KIFC3: variants seen among roughly 807,000 people sequenced by gnomAD.
KIFC3 encodes kinesin family member C3.
Under a neutral mutation model 101.8 loss-of-function variants are expected in KIFC3, and 60 were observed. The observed-to-expected ratio is 0.59, with a 90% confidence interval of 0.48 to 0.73. KIFC3 has a LOEUF of 0.73. KIFC3 is among the 30% of genes least tolerant of loss of function. The pLI is 0.00. For missense variants in KIFC3, 966 were observed against 1,137.1 expected, an observed-to-expected ratio of 0.85 and a Z score of 2.16; for synonymous variants, 476 against 482.7, an observed-to-expected ratio of 0.99 and a Z score of 0.18.
intron 1 of KIFC3, among the ~76,000 whole-genome samples, chr16:57,828,471 C>A (rs532204512): frequency 6.6e-6 from 1 of 152,192 alleles, no homozygotes; most frequent in Non-Finnish European, 1.5e-5. Context: ...ACGTGGGTGG[C>A]GGGAGGGAGA....
intron 1 of KIFC3, among the ~76,000 whole-genome samples, chr16:57,828,941 C>T (rs1234365392): frequency 3.3e-5 from 5 of 152,154 alleles, no homozygotes; most frequent in Non-Finnish European, 5.9e-5. Context: ...GATGCTGTTG[C>T]TATACCCATT....
At chr16:57,773,224 C>T (rs1555609916) in intron 3 of KIFC3, among the ~76,000 whole-genome samples, 1 of 152,200 alleles carries the variant, frequency 6.6e-6, no homozygotes, top group Non-Finnish European at 1.5e-5. Flanking sequence ...AGCCAGATTC[C>T]TGTGTGGTGG....
chr16:57,784,765 G>A (rs1355216248), intron 3 of KIFC3, among the ~76,000 whole-genome samples: 1 of 152,088 alleles, frequency 6.6e-6, no homozygotes, highest in Admixed American at 6.5e-5. Flanking sequence ...TGAGAGTGGG[G>A]AAAGAGGCCT....
rs200861086 is a variant in KIFC3, at chr16:57,761,190, G to A, written c.1873-19C>T. 21 of 1,612,812 alleles carry A rather than the reference G, an allele frequency of 1.3e-5. No homozygotes were observed. Among genetic ancestry groups the A allele is most frequent in the South Asian group, 2.2e-5 (2 of 90,974 alleles). On this transcript the variant is annotated intron_variant, in intron 14 of 19. Transcript: ENST00000445690. ...CAAACACCTGGGGGATTGGGAGGAG[G>A]GCAGAGGCACAGCGTTGAGAATGGG... is the stretch of plus-strand genomic sequence containing the variant.
chr16:57,807,171 C>T (rs2054956045), upstream of KIFC3, among the ~76,000 whole-genome samples: 1 of 151,824 alleles, frequency 6.6e-6, no homozygotes, highest in Admixed American at 6.6e-5. Context: ...GAGCAAAGAT[C>T]ATGCCACTGC....
chr16:57,787,478 G>C (rs2053453361), intron 3 of KIFC3, among the ~76,000 whole-genome samples: 1 of 152,234 alleles, frequency 6.6e-6, no homozygotes, highest in Admixed American at 6.5e-5. Flanking sequence ...GTGGGAAGGG[G>C]GCCAGGAGAG....
rs782169578 is a variant in KIFC3 at position 57,794,959 on chromosome 16, G to A, written c.315+40C>T. ...AGGAACCCAGCCACTGGAGCTCAGA[G>A]AGCCAAGGCACATGCAGCCTGGAAG... On this transcript the variant is annotated intron_variant, in intron 3 of 19. Transcript: ENST00000445690. 1.0e-5 allele frequency: 15 copies of A among 1,499,586 alleles called. No homozygotes were observed. The South Asian group carries it at 1.7e-4, about 17-fold the overall frequency. 92.9% of individuals were successfully genotyped at this position (1,499,586 alleles called of 1,614,324 possible).
rs190858248 is a variant in KIFC3, at chr16:57,789,939, G to A, written c.315+5060C>T. Among the ~76,000 whole-genome samples the A allele has an allele frequency of 2.4e-4, 36 of 151,878 alleles. No homozygotes were observed. The East Asian group carries it at 6.2e-3, about 26-fold the overall frequency. ...TTTAATAGAGACAGGGTTTCACCAC[G>A]TTGGCCAGGCTGGTCTCGAACTCCT... On this transcript the variant is annotated intron_variant, in intron 3 of 19. Transcript: ENST00000445690.
intron 1 of KIFC3, among the ~76,000 whole-genome samples, chr16:57,823,804 T>TGTGTGTGTGTGTG (rs1568088575): frequency 2.0e-4 from 30 of 149,482 alleles, no homozygotes; most frequent in East Asian, 3.9e-4. Context: ...TGTGTGTGTG[T>TGTGTGTGTGTGTG]TTTTAGTAGA....
At chr16:57,816,804 C>CTTCCAGGCAGG (rs1555628955) in intron 1 of KIFC3, 1 of 451,578 alleles carries the variant, frequency 2.2e-6, no homozygotes, top group African/African-American at 2.1e-5. Context: ...AAACCAAGAC[C>CTTCCAGGCAGG]AGGGAACCCA....
At chr16:57,782,686 G>A (rs572169755) in intron 3 of KIFC3, among the ~76,000 whole-genome samples, 2 of 152,364 alleles carry the variant, frequency 1.3e-5, no homozygotes, top group Admixed American at 6.5e-5. Context: ...GCTCACGCCT[G>A]TAATCCCAGC....
Position 57,764,254 on chromosome 16 carries a change from G to A in KIFC3, c.1513-7C>T, listed in dbSNP as rs782562048. 3 of 1,583,478 alleles carry A rather than the reference G, an allele frequency of 1.9e-6. No individual in the cohort carries two copies. The highest frequency in any genetic ancestry group is 2.6e-6 in the Non-Finnish European group (3 of 1,158,418). ...CCTGCACCTCCTGGAACACCTGGGA[G>A]GGTGGTGGGAGGGAGGCTGGTGGGG... is the stretch of plus-strand genomic sequence containing the variant. On this transcript the variant is annotated splice_region_variant and splice_polypyrimidine_tract_variant and intron_variant, in intron 11 of 19. Coordinates refer to ENST00000445690, the MANE Select transcript of KIFC3 (RefSeq NM_001130100.2).
At chr16:57,783,285 G>A (rs2052932467) in intron 3 of KIFC3, among the ~76,000 whole-genome samples, 1 of 152,130 alleles carries the variant, frequency 6.6e-6, no homozygotes, top group African/African-American at 2.4e-5. Context: ...CAGGGGCTGT[G>A]GGGCAAGGAG....
intron 1 of KIFC3, among the ~76,000 whole-genome samples, chr16:57,853,457 A>G (rs1003957889): frequency 2.0e-5 from 3 of 152,036 alleles, no homozygotes; most frequent in Non-Finnish European, 2.9e-5. Flanking sequence ...ATAGTATTCA[A>G]ATTATCTAAG....
rs1555598611 is a variant in KIFC3, at chr16:57,762,200, G to A, written c.1688C>T (p.Ala563Val). ...GGTGATGGTGTACTCCCAGTCAGAC[G>A]CCTTCTCCTGCACCTCGGAGAAGAG... The part of the protein sequence containing the change: ...QLLFSEVQEK[A>V]SDWEYTITVS... Residue 563 changes from alanine (A) to valine (V), a missense_variant, in exon 13 of 20, where the codon GCG (alanine) becomes GTG (valine). Ala to Val is a moderately conservative substitution (Grantham distance 64). This residue lies in a region of KIFC3 where 689 missense variants were observed against 884.6 expected (regional missense o/e 0.78). Coordinates refer to ENST00000445690, the MANE Select transcript of KIFC3 (RefSeq NM_001130100.2). 5 of 1,610,710 alleles carry A rather than the reference G, an allele frequency of 3.1e-6. No homozygotes were observed. The highest frequency in any genetic ancestry group is 2.2e-5 in the East Asian group (1 of 44,770).
intron 3 of KIFC3, chr16:57,774,894 T>C: frequency 7.0e-7 from 1 of 1,423,266 alleles, no homozygotes; most frequent in South Asian, 1.5e-5. Flanking sequence ...TGAACTGACT[T>C]CCTCTTCAAA....
chr16:57,818,020 T>TC (rs1555629209), intron 1 of KIFC3, among the ~76,000 whole-genome samples: 25 of 151,922 alleles, frequency 1.6e-4, no homozygotes, highest in African/African-American at 5.1e-4. Context: ...CTTTCTTTTT[T>TC]TTTTTTTTTG....
At chr16:57,759,312 G>A (rs369249757) in intron 18 of KIFC3, 159 bp from the exon 19 acceptor site, 67 of 825,316 alleles carry the variant, frequency 8.1e-5, no homozygotes, top group Admixed American at 6.1e-4. Flanking sequence ...GTCCTGTGGC[G>A]GGGCTCACTC....
intron 1 of KIFC3, chr16:57,816,981 A>G (rs1225744421): frequency 3.1e-6 from 1 of 326,058 alleles, no homozygotes; most frequent in Admixed American, 4.5e-5. Context: ...GGCATGGAGC[A>G]CTTTTTCTGA....
Sources: allele counts gnomAD v4.1 joint callset (sites outside exome capture counted in the v4.1 genomes callset), GRCh38; gene constraint gnomAD v4.1.1; regional missense constraint gnomAD v4.1.1; transcripts MANE v1.5; gene names NCBI Gene and HGNC (gene_info 2026-07-23, HGNC 2026-07-21).